ARHGAP32: variants seen among roughly 807,000 people sequenced by gnomAD.
The protein encoded by ARHGAP32 is Rho GTPase activating protein 32.
In ARHGAP32, 51 loss-of-function variants were observed where a neutral mutation model predicts 186.5. The observed-to-expected ratio is 0.27, with a 90% CI of 0.22 to 0.35. The LOEUF is 0.35. Ranked by LOEUF, ARHGAP32 falls within the 10% of genes least tolerant of loss-of-function variation. ARHGAP32 has a pLI of 1.00. For synonymous variants in ARHGAP32, 950 were observed against 964.3 expected (o/e 0.99, Z 0.27); for missense variants, 2,186 against 2,623.5 (o/e 0.83, Z 3.64).
At chr11:129,100,243 T>C (rs1262496356) in intron 5 of ARHGAP32, among the ~76,000 whole-genome samples, 1 of 152,214 alleles carries the variant, frequency 6.6e-6, no homozygotes, top group African/African-American at 2.4e-5. Flanking sequence ...GGGGAACTGC[T>C]AGACCTGATC....
At chr11:129,233,012 TTTCACAC>T (rs1442791115) in intron 1 of ARHGAP32, among the ~76,000 whole-genome samples, 1 of 152,192 alleles carries the variant, frequency 6.6e-6, no homozygotes, top group African/African-American at 2.4e-5. Flanking sequence ...TGTCAAAACT[TTTCACAC>T]TGTACACTTA....
Position 128,973,243 on chromosome 11 carries a change from T to A in ARHGAP32, c.3263A>T (p.Asp1088Val). 6.2e-7 allele frequency: 1 copy of A among 1,614,172 alleles called. No individual in the cohort carries two copies. The highest frequency in any genetic ancestry group is 8.5e-7 in the Non-Finnish European group (1 of 1,180,050). The change falls in exon 22 of 23, where the codon GAC (aspartate) becomes GTC (valine). Residue 1088 changes from aspartate to valine, a missense_variant. Asp to Val is a radical substitution (Grantham distance 152). Transcript: ENST00000682385. ...ATCTTCAGTTGTAGCCACCGCTATGTCTCCATAATTTGTATACCCAGCCTG... is the reference window on the plus strand; with the variant it reads ...ATCTTCAGTTGTAGCCACCGCTATGACTCCATAATTTGTATACCCAGCCTG... ...TSQAGYTNYG[D>V]IAVATTEDNL...
chr11:129,187,911 T>C (rs1207922474), intron 1 of ARHGAP32, among the ~76,000 whole-genome samples: 1 of 151,972 alleles, frequency 6.6e-6, no homozygotes, highest in Non-Finnish European at 1.5e-5. Context: ...ATACAGTTAA[T>C]TGGGTTTTTT....
At chr11:129,143,453 C>T (rs1331539218) in intron 2 of ARHGAP32, among the ~76,000 whole-genome samples, 2 of 152,172 alleles carry the variant, frequency 1.3e-5, no homozygotes, top group Non-Finnish European at 2.9e-5. Flanking sequence ...CAGTCCCGCA[C>T]CGCCCCACTC....
chr11:128,974,409 G>T lies in ARHGAP32; in HGVS notation c.2788C>A (p.Pro930Thr). ...SISEPISVTL[P>T]PRVSEVIGTV... ...CCAATGACTTCTGACACCCGTGGTGGTAGGGTCACTGAAATTGGCTCAGAT... is the reference window on the plus strand; with the variant it reads ...CCAATGACTTCTGACACCCGTGGTGTTAGGGTCACTGAAATTGGCTCAGAT... Residue 930 changes from proline to threonine, a missense_variant, in exon 21 of 23, where the codon CCA becomes ACA. Transcript: ENST00000682385. The T allele has an allele frequency of 6.2e-7, 1 of 1,614,146 alleles. No homozygotes were observed. Among genetic ancestry groups the T allele is most frequent in the Middle Eastern group, 1.6e-4 (1 of 6,062 alleles).
intron 1 of ARHGAP32, among the ~76,000 whole-genome samples, chr11:129,261,245 T>C (rs1591382473): frequency 1.3e-5 from 2 of 152,024 alleles, no homozygotes; most frequent in South Asian, 4.1e-4. Flanking sequence ...AAAAATGGTC[T>C]AAAGGAAAAA....
intron 12 of ARHGAP32, among the ~76,000 whole-genome samples, chr11:128,989,010 T>C (rs1460960780): frequency 6.6e-6 from 1 of 152,170 alleles, no homozygotes; most frequent in Non-Finnish European, 1.5e-5. Context: ...CTTGGAAAAT[T>C]TGGTCTGCAA....
intron 11 of ARHGAP32, among the ~76,000 whole-genome samples, chr11:129,005,655 T>C (rs1937723499): frequency 6.6e-6 from 1 of 152,210 alleles, no homozygotes; most frequent in Non-Finnish European, 1.5e-5. Context: ...TGTTCTTTTT[T>C]CTTGCTGCTA....
chr11:129,056,976 G>A (rs764817218), intron 10 of ARHGAP32, among the ~76,000 whole-genome samples: 9 of 152,008 alleles, frequency 5.9e-5, no homozygotes, highest in Non-Finnish European at 1.0e-4. Context: ...CGAGGCCCTC[G>A]TTTCCTTTAC....
At chr11:129,130,247 C>G (rs754446227) in intron 2 of ARHGAP32, among the ~76,000 whole-genome samples, 28 of 152,112 alleles carry the variant, frequency 1.8e-4, no homozygotes, top group Non-Finnish European at 3.2e-4. Flanking sequence ...ACAGCATTGT[C>G]AATCAATCAG....
At chr11:129,174,388 C>A (rs1416373341) in intron 1 of ARHGAP32, among the ~76,000 whole-genome samples, 1 of 152,188 alleles carries the variant, frequency 6.6e-6, no homozygotes, top group African/African-American at 2.4e-5. Flanking sequence ...ATTGCCCAGG[C>A]TTGCTTAGGT....
chr11:129,017,955 CTTGT>C (rs1278967200), intron 11 of ARHGAP32, among the ~76,000 whole-genome samples: 2 of 152,062 alleles, frequency 1.3e-5, no homozygotes, highest in African/African-American at 4.8e-5. Flanking sequence ...TTTAGTTTGT[CTTGT>C]TTAAGTTTTG....
intron 11 of ARHGAP32, among the ~76,000 whole-genome samples, chr11:129,005,204 T>C (rs1937698482): frequency 1.3e-5 from 2 of 152,194 alleles, no homozygotes; most frequent in Non-Finnish European, 2.9e-5. Context: ...TGTTTCTATT[T>C]ATATCTTATA....
At chr11:128,987,448 A>AC (rs1945906812) in intron 13 of ARHGAP32, among the ~76,000 whole-genome samples, 1 of 152,226 alleles carries the variant, frequency 6.6e-6, no homozygotes, top group Non-Finnish European at 1.5e-5. Context: ...AAAGTATTAA[A>AC]ATCTCTACAG....
At chr11:129,216,877 C>A (rs908377824) in intron 1 of ARHGAP32, among the ~76,000 whole-genome samples, 3 of 151,822 alleles carry the variant, frequency 2.0e-5, no homozygotes, top group African/African-American at 4.8e-5. Flanking sequence ...TCCACCTCAA[C>A]TATTTCTATT....
intron 11 of ARHGAP32, among the ~76,000 whole-genome samples, chr11:129,017,795 T>A (rs1394645328): frequency 6.6e-6 from 1 of 152,204 alleles, no homozygotes; most frequent in East Asian, 1.9e-4. Context: ...TTATTTCTTA[T>A]GTTTCACCAT....
chr11:129,049,182 A>C (rs1373175032), intron 10 of ARHGAP32, among the ~76,000 whole-genome samples: 1 of 152,206 alleles, frequency 6.6e-6, no homozygotes, highest in Admixed American at 6.5e-5. Context: ...GGAAGATAAG[A>C]AGCAGTACAC....
At chr11:129,180,108 C>G (rs1944021283) in intron 1 of ARHGAP32, among the ~76,000 whole-genome samples, 1 of 151,986 alleles carries the variant, frequency 6.6e-6, no homozygotes, top group African/African-American at 2.4e-5. Flanking sequence ...ACATATACCA[C>G]TATATACAAT....
chr11:129,084,686 G>A (rs574102032), intron 6 of ARHGAP32, among the ~76,000 whole-genome samples: 3 of 152,044 alleles, frequency 2.0e-5, no homozygotes, highest in African/African-American at 4.8e-5. Flanking sequence ...TACAAAAAAC[G>A]TACAGCTAAC....
Sources: gnomAD v4.1 joint callset for allele counts (sites outside exome capture counted in the v4.1 genomes callset) on GRCh38, gnomAD v4.1.1 for gene constraint, MANE v1.5 for transcripts, NCBI Gene and HGNC (gene_info 2026-07-23, HGNC 2026-07-21) for gene names.